Variants in SATL1 observed in about 807,000 individuals in gnomAD.
The protein encoded by SATL1 is spermidine/spermine N1-acetyl transferase like 1.
A neutral mutation model predicts 51.8 loss-of-function variants in SATL1; 47 were observed. The observed-to-expected ratio is 0.91, with a 90% confidence interval of 0.72 to 1.16. SATL1 has a LOEUF of 1.16. Among genes scored for constraint, SATL1 ranks in the 50% most tolerant of loss-of-function variants. The pLI is 0.00. For synonymous variants in SATL1, 176 were observed against 182.4 expected (o/e 0.97, Z 0.28); for missense variants, 520 against 526.4 (o/e 0.99, Z 0.12).
At chrX:85,128,541 A>G (rs1464985302) in intron 2 of SATL1, among the ~76,000 whole-genome samples, 4 of 111,887 alleles carry the variant, frequency 3.6e-5, no homozygotes, top group African/African-American at 1.3e-4. Context: ...TAGATTCTGG[A>G]TATTAGCCCT....
intron 1 of SATL1, among the ~76,000 whole-genome samples, chrX:85,235,084 A>G (rs1187509066): frequency 1.8e-5 from 2 of 111,594 alleles, no homozygotes; most frequent in South Asian, 3.7e-4. Context: ...CTTATTTGAG[A>G]CAAAATAGAT....
chrX:85,110,336 T>G (rs142468813), intron 2 of SATL1, among the ~76,000 whole-genome samples: 144 of 111,950 alleles, frequency 1.3e-3, no homozygotes, highest in African/African-American at 4.3e-3. Flanking sequence ...TCTGCAGGAT[T>G]CATTCTCCCA....
At chrX:85,131,924 A>G (rs909769302) in intron 2 of SATL1, among the ~76,000 whole-genome samples, 2 of 111,334 alleles carry the variant, frequency 1.8e-5, no homozygotes, top group South Asian at 3.8e-4. Context: ...GTTTGGCTGG[A>G]TATGAAATTC....
At chrX:85,116,413 C>T (rs747852843) in intron 2 of SATL1, among the ~76,000 whole-genome samples, 2 of 112,003 alleles carry the variant, frequency 1.8e-5, no homozygotes, top group African/African-American at 6.5e-5. Context: ...TGTTGGCATA[C>T]TTCTGAGGTC....
At chrX:85,132,446 A>G (rs1368324233) in intron 2 of SATL1, among the ~76,000 whole-genome samples, 1 of 110,679 alleles carries the variant, frequency 9.0e-6, no homozygotes, top group African/African-American at 3.3e-5. Flanking sequence ...TGAATTGGCT[A>G]TTGAAGCTTG....
At position 85,243,054 on chromosome X, in the gene SATL1, C is replaced by T. The variant is rs753707741; in HGVS notation, c.-435+534G>A. On this transcript the variant is annotated intron_variant, in intron 1 of 7. Coordinates refer to ENST00000644105, the MANE Select transcript of SATL1 (RefSeq NM_001367857.2). ...GCCAGGTACTGTGCTAGGACTTTCA[C>T]ATCTTCTATAATTCTATCAAAAACT... 4.4e-5 allele frequency among the ~76,000 whole-genome samples: 5 copies of T among 112,495 alleles called. No individual in the cohort carries two copies. The South Asian group carries it at 1.8e-3, about 41-fold the overall frequency.
chrX:85,166,529 C>T (rs1354290606), intron 2 of SATL1, among the ~76,000 whole-genome samples: 1 of 110,906 alleles, frequency 9.0e-6, no homozygotes, highest in African/African-American at 3.3e-5. Context: ...TAAAAAATGC[C>T]CCAAATCACT....
chrX:85,221,181 C>A (rs997747010), intron 2 of SATL1, among the ~76,000 whole-genome samples: 9 of 109,418 alleles, frequency 8.2e-5, no homozygotes. Flanking sequence ...CCCAAGATAT[C>A]GGGTCTCTGT....
intron 2 of SATL1, among the ~76,000 whole-genome samples, chrX:85,186,762 G>C (rs376348572): frequency 8.9e-6 from 1 of 111,733 alleles, no homozygotes; most frequent in South Asian, 3.8e-4. Flanking sequence ...CCTCTTTAGT[G>C]CCTCTTTCCT....
At chrX:85,220,963 C>T (rs1602923261) in intron 2 of SATL1, among the ~76,000 whole-genome samples, 1 of 111,341 alleles carries the variant, frequency 9.0e-6, no homozygotes, top group Middle Eastern at 4.6e-3. Context: ...ACCACCTTTT[C>T]CCTGGACAAT....
intron 2 of SATL1, among the ~76,000 whole-genome samples, chrX:85,223,622 C>G (rs1928218210): frequency 9.0e-6 from 1 of 110,817 alleles, no homozygotes; most frequent in Non-Finnish European, 1.9e-5. Context: ...TTAGCAGAGA[C>G]CAGAAACCCA....
intron 1 of SATL1, among the ~76,000 whole-genome samples, chrX:85,231,134 G>GCCAA (rs1353648614): frequency 8.9e-6 from 1 of 111,784 alleles, no homozygotes; most frequent in Non-Finnish European, 1.9e-5. Context: ...ATTCATAGTA[G>GCCAA]CCAAGAGATG....
chrX:85,169,342 G>T (rs1368599808), intron 2 of SATL1, among the ~76,000 whole-genome samples: 2 of 111,174 alleles, frequency 1.8e-5, no homozygotes, highest in African/African-American at 6.5e-5. Context: ...ATGACCTATA[G>T]AATGGGTAAA....
chrX:85,178,197 T>C (rs1052450975), intron 2 of SATL1, among the ~76,000 whole-genome samples: 4 of 111,287 alleles, frequency 3.6e-5, no homozygotes, highest in African/African-American at 1.3e-4. Context: ...TCACAGAAGA[T>C]TATCTGTTTC....
chrX:85,105,732 GGA>G (rs1211928696), intron 3 of SATL1, among the ~76,000 whole-genome samples: 35 of 112,097 alleles, frequency 3.1e-4, no homozygotes, highest in African/African-American at 1.1e-3. Flanking sequence ...TCCTCTGCAA[GGA>G]GAGAATGTTT....
intron 1 of SATL1, among the ~76,000 whole-genome samples, chrX:85,237,811 C>A (rs1430594298): frequency 9.0e-6 from 1 of 110,935 alleles, no homozygotes; most frequent in Non-Finnish European, 1.9e-5. Context: ...TGCAAACTAC[C>A]CATCTGACAA....
intron 2 of SATL1, among the ~76,000 whole-genome samples, chrX:85,197,526 T>C (rs1047094496): frequency 1.8e-5 from 2 of 109,889 alleles, no homozygotes; most frequent in South Asian, 7.9e-4. Flanking sequence ...CTTTAAGTTT[T>C]AGGGTACATG....
chrX:85,147,216 T>G (rs767918474), intron 2 of SATL1, among the ~76,000 whole-genome samples: 214 of 114,459 alleles, frequency 1.9e-3, no homozygotes, highest in African/African-American at 6.1e-3. Context: ...TCTTGCTGAT[T>G]GCTAGCACAG....
intron 2 of SATL1, among the ~76,000 whole-genome samples, chrX:85,130,640 A>G (rs1024887688): frequency 9.1e-6 from 1 of 110,306 alleles, no homozygotes; most frequent in Non-Finnish European, 1.9e-5. Context: ...TTGTGTCTCT[A>G]TCTCCTTCTG....
Sources: gnomAD v4.1 joint callset for allele counts (sites outside exome capture counted in the v4.1 genomes callset) on GRCh38, gnomAD v4.1.1 for gene constraint, MANE v1.5 for transcripts, NCBI Gene and HGNC (gene_info 2026-07-23, HGNC 2026-07-21) for gene names.